CDH8: variants seen among roughly 807,000 people sequenced by gnomAD.
CDH8 encodes the protein cadherin 8.
Under a neutral mutation model 68.1 loss-of-function variants are expected in CDH8, and 17 were observed. That is an observed-to-expected ratio of 0.25 (90% CI 0.17 to 0.37). CDH8 has a LOEUF of 0.37. CDH8 is among the 10% of genes least tolerant of loss of function. CDH8 has a pLI of 1.00. For synonymous variants in CDH8, 372 were observed against 365.1 expected (o/e 1.02, Z -0.21); for missense variants, 763 against 999.3 (o/e 0.76, Z 3.19).
chr16:61,721,544 G>A (rs1959217496), intron 9 of CDH8, among the ~76,000 whole-genome samples: 1 of 150,486 alleles, frequency 6.6e-6, no homozygotes, highest in Admixed American at 6.7e-5. Flanking sequence ...GTTTATCTAG[G>A]GATAATTACC....
At chr16:61,959,523 C>CTCTCTCT (rs1965043958) in intron 2 of CDH8, among the ~76,000 whole-genome samples, 4 of 133,522 alleles carry the variant, frequency 3.0e-5, no homozygotes, top group Admixed American at 7.9e-5. Flanking sequence ...CCTTATCCTC[C>CTCTCTCT]CTCTCTCTCT....
intron 7 of CDH8, among the ~76,000 whole-genome samples, chr16:61,800,345 G>T (rs750480049): frequency 5.9e-5 from 9 of 152,304 alleles, no homozygotes; most frequent in Middle Eastern, 6.8e-3. Flanking sequence ...CAAAATGCAA[G>T]ATCATGTATT....
intron 2 of CDH8, among the ~76,000 whole-genome samples, chr16:61,964,501 G>A (rs9932925): frequency 0.49 from 74,895 of 151,594 alleles, 19,851 homozygotes; most frequent in East Asian, 0.89. Context: ...TGATGAGAAC[G>A]TGCAGGCTCC....
In CDH8 at chr16:61,813,630, C is replaced by T. The variant is rs374840444; in HGVS notation, c.1277+3849G>A. 1.2e-4 allele frequency among the ~76,000 whole-genome samples: 18 copies of T among 152,170 alleles called. No homozygotes were observed. The East Asian group carries it at 1.5e-3, about 13-fold the overall frequency. On this transcript the variant is annotated intron_variant, in intron 7 of 11. Coordinates refer to ENST00000577390, the MANE Select transcript of CDH8 (RefSeq NM_001796.5). Reference sequence around the variant, plus strand: ...CGTGTCCTAGCCGGGAGGATTCAATCTGTGAGGTGGGGAGCCTGTTAGCAT... The same window carrying T: ...CGTGTCCTAGCCGGGAGGATTCAATTTGTGAGGTGGGGAGCCTGTTAGCAT...
intron 2 of CDH8, among the ~76,000 whole-genome samples, chr16:61,990,883 A>C (rs190933390): frequency 6.4e-4 from 97 of 150,946 alleles, no homozygotes; most frequent in Non-Finnish European, 1.2e-3. Flanking sequence ...GAAGGAAGGA[A>C]AGAAGGAAGG....
chr16:61,954,700 C>CAAAAAAAAAAAAAAAAAAAAAAAAAA (rs35839753), intron 2 of CDH8, among the ~76,000 whole-genome samples: 1 of 68,314 alleles, frequency 1.5e-5, no homozygotes, highest in African/African-American at 5.2e-5. Flanking sequence ...GACTCCATCT[C>CAAAAAAAAAAAAAAAAAAAAAAAAAA]AAAAAAAAAA....
At chr16:61,917,174 T>C (rs1964253553) in intron 2 of CDH8, among the ~76,000 whole-genome samples, 1 of 151,618 alleles carries the variant, frequency 6.6e-6, no homozygotes. Context: ...AAGGATGGAA[T>C]GCCGCTGTGT....
chr16:61,921,502 C>A (rs184381743), intron 2 of CDH8, among the ~76,000 whole-genome samples: 1 of 152,254 alleles, frequency 6.6e-6, no homozygotes, highest in Admixed American at 6.5e-5. Flanking sequence ...AGCAAATACT[C>A]GAATTTCAGA....
intron 10 of CDH8, among the ~76,000 whole-genome samples, chr16:61,663,480 T>G (rs1963608852): frequency 6.6e-6 from 1 of 151,992 alleles, no homozygotes; most frequent in Admixed American, 6.6e-5. Flanking sequence ...ATGTATATGT[T>G]TTATTTCATT....
chr16:61,664,833 C>G (rs924896893), intron 10 of CDH8, among the ~76,000 whole-genome samples: 6 of 151,934 alleles, frequency 3.9e-5, no homozygotes, highest in Admixed American at 6.6e-5. Context: ...GAGGGGCACA[C>G]AGATTGAACA....
chr16:61,999,853 A>G (rs1965865913), intron 2 of CDH8, among the ~76,000 whole-genome samples: 2 of 152,070 alleles, frequency 1.3e-5, no homozygotes, highest in Non-Finnish European at 2.9e-5. Flanking sequence ...GGTTTGTTAC[A>G]TAGGTATACA....
chr16:61,788,322 A>G (rs1376359856), intron 8 of CDH8, among the ~76,000 whole-genome samples: 3 of 152,088 alleles, frequency 2.0e-5, no homozygotes, highest in Non-Finnish European at 2.9e-5. Flanking sequence ...AGTGAATTTT[A>G]GGGCATATTT....
intron 2 of CDH8, among the ~76,000 whole-genome samples, chr16:61,999,875 C>T (rs992357539): frequency 2.6e-5 from 4 of 151,954 alleles, no homozygotes; most frequent in Non-Finnish European, 4.4e-5. Context: ...ACATGTACCA[C>T]GGTGGTTTGC....
chr16:62,026,220 C>T (rs1902194889), intron 1 of CDH8, among the ~76,000 whole-genome samples: 1 of 152,202 alleles, frequency 6.6e-6, no homozygotes. Flanking sequence ...TCTGTTAAAA[C>T]CCAATAAAGA....
intron 10 of CDH8, among the ~76,000 whole-genome samples, chr16:61,684,078 T>G (rs1964059855): frequency 6.6e-6 from 1 of 152,020 alleles, no homozygotes; most frequent in African/African-American, 2.4e-5. Flanking sequence ...GTTCTGTCAT[T>G]GTGGTATTGT....
chr16:61,960,280 T>TAC (rs1303772072), intron 2 of CDH8, among the ~76,000 whole-genome samples: 2 of 100,040 alleles, frequency 2.0e-5, no homozygotes, highest in Non-Finnish European at 3.6e-5. Flanking sequence ...TGTGTGTGTA[T>TAC]ACACACATAT....
intron 7 of CDH8, among the ~76,000 whole-genome samples, chr16:61,791,679 G>A (rs1961383502): frequency 6.6e-6 from 1 of 151,946 alleles, no homozygotes; most frequent in African/African-American, 2.4e-5. Context: ...CACATTCCAT[G>A]GCTATTTGGT....
At chr16:61,735,065 C>T (rs1444143311) in intron 8 of CDH8, among the ~76,000 whole-genome samples, 1 of 152,064 alleles carries the variant, frequency 6.6e-6, no homozygotes, top group African/African-American at 2.4e-5. Flanking sequence ...TCCATCTTCA[C>T]ATGGCTTTCT....
At chr16:61,774,456 A>AG (rs1461509392) in intron 8 of CDH8, among the ~76,000 whole-genome samples, 1 of 90,872 alleles carries the variant, frequency 1.1e-5, no homozygotes, top group Non-Finnish European at 1.9e-5. Flanking sequence ...TCAATCACTC[A>AG]GGGAAAAAAA....
Sources: gnomAD v4.1 joint callset for allele counts (sites outside exome capture counted in the v4.1 genomes callset) on GRCh38, gnomAD v4.1.1 for gene constraint, MANE v1.5 for transcripts, NCBI Gene and HGNC (gene_info 2026-07-23, HGNC 2026-07-21) for gene names.